The following HS2ST1 variants were observed in gnomAD, a reference collection of about 807,000 sequenced individuals.
HS2ST1 encodes 2-O-sulfotransferase.
In HS2ST1, 18 loss-of-function variants were observed where a neutral mutation model predicts 42.9. The ratio of observed to expected loss-of-function variants is 0.42; its 90% CI spans 0.29 to 0.62. HS2ST1 has a LOEUF of 0.62. Ranked by LOEUF, HS2ST1 falls within the 20% of genes least tolerant of loss-of-function variation. HS2ST1 has a pLI of 0.21. For synonymous variants in HS2ST1, 146 were observed against 152.9 expected, an observed-to-expected ratio of 0.95 and a Z score of 0.33; for missense variants, 334 against 433.8, an observed-to-expected ratio of 0.77 and a Z score of 2.04.
intron 1 of HS2ST1, among the ~76,000 whole-genome samples, chr1:87,054,822 T>G (rs1238162951): frequency 3.3e-5 from 5 of 152,180 alleles, no homozygotes; most frequent in African/African-American, 4.8e-5. Context: ...ATTCCTTGAA[T>G]TACTGCATAA....
chr1:87,008,670 T>C (rs1649508781), intron 1 of HS2ST1, among the ~76,000 whole-genome samples: 1 of 152,156 alleles, frequency 6.6e-6, no homozygotes, highest in Admixed American at 6.6e-5. Context: ...CAGGATAAAA[T>C]TGAAAAGACT....
chr1:86,970,125 C>CA (rs570323321), intron 1 of HS2ST1, among the ~76,000 whole-genome samples: 4,122 of 99,140 alleles, frequency 0.042, 82 homozygotes, highest in Middle Eastern at 0.12. Flanking sequence ...AACTCCATCT[C>CA]AAAAAAAAAA....
intron 1 of HS2ST1, among the ~76,000 whole-genome samples, chr1:87,038,772 A>G (rs1469915924): frequency 6.6e-6 from 1 of 152,152 alleles, no homozygotes; most frequent in Non-Finnish European, 1.5e-5. Context: ...AAAACTAATA[A>G]TAGTGATTAT....
At chr1:87,084,337 G>T in intron 3 of HS2ST1, 58 bp downstream of exon 3, 1 of 919,878 alleles carries the variant, frequency 1.1e-6, no homozygotes, top group Non-Finnish European at 1.7e-6. Flanking sequence ...AACCTAAAAA[G>T]GAATAAATTC....
intron 1 of HS2ST1, among the ~76,000 whole-genome samples, chr1:86,984,466 T>G (rs910295007): frequency 6.6e-6 from 1 of 152,236 alleles, no homozygotes; most frequent in African/African-American, 2.4e-5. Flanking sequence ...GTCAGGTGAC[T>G]AATTAGAGTT....
At chr1:86,953,528 A>G (rs920172016) in intron 1 of HS2ST1, among the ~76,000 whole-genome samples, 4 of 152,144 alleles carry the variant, frequency 2.6e-5, no homozygotes, top group African/African-American at 9.7e-5. Flanking sequence ...AAGCCAAGGC[A>G]GGCAGCGGAT....
chr1:87,048,576 A>G (rs1343677989), intron 1 of HS2ST1, among the ~76,000 whole-genome samples: 1 of 151,184 alleles, frequency 6.6e-6, no homozygotes, highest in Non-Finnish European at 1.5e-5. Context: ...TTCTATTCCC[A>G]GTTTGCCGAG....
chr1:86,969,117 ATCTT>A (rs1372653502), intron 1 of HS2ST1, among the ~76,000 whole-genome samples: 3 of 152,240 alleles, frequency 2.0e-5, no homozygotes, highest in Non-Finnish European at 4.4e-5. Flanking sequence ...TTAATACTTT[ATCTT>A]AATACTTTAC....
intron 1 of HS2ST1, among the ~76,000 whole-genome samples, chr1:87,009,751 G>A (rs1649540975): frequency 6.6e-6 from 1 of 152,152 alleles, no homozygotes; most frequent in Non-Finnish European, 1.5e-5. Context: ...ACTTCTGCTT[G>A]AGGCCAGGTG....
chr1:87,022,144 G>T (rs374785864), intron 1 of HS2ST1, among the ~76,000 whole-genome samples: 2 of 151,880 alleles, frequency 1.3e-5, no homozygotes, highest in Admixed American at 6.6e-5. Flanking sequence ...AAAAACAGTC[G>T]GCTGGTATTA....
chr1:86,981,122 T>TA (rs1320182355), intron 1 of HS2ST1, among the ~76,000 whole-genome samples: 1 of 152,144 alleles, frequency 6.6e-6, no homozygotes, highest in Non-Finnish European at 1.5e-5. Flanking sequence ...TACCACTTTT[T>TA]AACCATCAGA....
At chr1:87,052,025 G>A (rs972354635) in intron 1 of HS2ST1, among the ~76,000 whole-genome samples, 34 of 152,166 alleles carry the variant, frequency 2.2e-4, no homozygotes, top group African/African-American at 7.0e-4. Context: ...GGCTGAGGTG[G>A]GCTAATCGCT....
At chr1:87,074,104 C>T (rs749560409) in intron 2 of HS2ST1, among the ~76,000 whole-genome samples, 1 of 152,170 alleles carries the variant, frequency 6.6e-6, no homozygotes, top group Non-Finnish European at 1.5e-5. Context: ...GGCTTTCTTG[C>T]TAGAGAGCTG....
chr1:87,014,723 A>G (rs1649699850), intron 1 of HS2ST1, among the ~76,000 whole-genome samples: 2 of 152,308 alleles, frequency 1.3e-5, no homozygotes, highest in South Asian at 4.1e-4. Flanking sequence ...GGCCATCACA[A>G]CTTTACTCAA....
At chr1:86,993,164 T>A in intron 1 of HS2ST1, 1 of 1,584,888 alleles carries the variant, frequency 6.3e-7, no homozygotes, top group Non-Finnish European at 8.6e-7. Context: ...TAAACCCTCA[T>A]CAACTGACTT....
At chr1:86,946,621 G>A (rs770596976) in intron 1 of HS2ST1, among the ~76,000 whole-genome samples, 3 of 152,152 alleles carry the variant, frequency 2.0e-5, no homozygotes, top group Admixed American at 6.5e-5. Context: ...AATCCGCTTG[G>A]CTGAAGAGAC....
At chr1:86,955,812 C>A (rs552703701) in intron 1 of HS2ST1, among the ~76,000 whole-genome samples, 1 of 152,164 alleles carries the variant, frequency 6.6e-6, no homozygotes, top group East Asian at 1.9e-4. Flanking sequence ...TAGCAAAACC[C>A]CCTCTCTACC....
chr1:87,002,022 C>T (rs1461463008), intron 1 of HS2ST1, among the ~76,000 whole-genome samples: 1 of 151,974 alleles, frequency 6.6e-6, no homozygotes, highest in Non-Finnish European at 1.5e-5. Context: ...ACGCCATTCT[C>T]CTACCTCAGC....
At chr1:86,998,664 A>T (rs1352943970) in intron 1 of HS2ST1, among the ~76,000 whole-genome samples, 1 of 152,176 alleles carries the variant, frequency 6.6e-6, no homozygotes, top group Non-Finnish European at 1.5e-5. Flanking sequence ...CACATTTAAT[A>T]TGGCTTTCTG....
Sources: gnomAD v4.1 joint callset for allele counts (sites outside exome capture counted in the v4.1 genomes callset) on GRCh38, gnomAD v4.1.1 for gene constraint, MANE v1.5 for transcripts, NCBI Gene and HGNC (gene_info 2026-07-23, HGNC 2026-07-21) for gene names.